UGT8: variants seen among roughly 807,000 people sequenced by gnomAD.
UGT8 encodes the protein 2-hydroxyacylsphingosine 1-beta-galactosyltransferase.
UGT8 carries 12 observed loss-of-function variants against 40.5 expected under a neutral mutation model. The observed-to-expected ratio is 0.30, with a 90% confidence interval of 0.19 to 0.48. UGT8 has a LOEUF of 0.48. Among genes scored for constraint, UGT8 ranks in the 20% least tolerant of loss-of-function variants. The pLI is 0.99. For missense variants in UGT8, 513 were observed against 648.7 expected (o/e 0.79, Z 2.27); for synonymous variants, 224 against 240.4 (o/e 0.93, Z 0.63).
intron 1 of UGT8, 57 bp from the exon 2 acceptor site, chr4:114,622,822 G>C (rs1367987313): frequency 6.2e-6 from 9 of 1,449,358 alleles, no homozygotes; most frequent in Non-Finnish European, 7.4e-6. Flanking sequence ...GTGATTGCTT[G>C]TTTTGAATGG....
chr4:114,621,945 G>A (rs1294922572), intron 1 of UGT8, among the ~76,000 whole-genome samples: 1 of 151,056 alleles, frequency 6.6e-6, no homozygotes, highest in Admixed American at 6.6e-5. Context: ...TAATACTATA[G>A]AATGCATTCT....
intron 1 of UGT8, among the ~76,000 whole-genome samples, chr4:114,620,228 C>G (rs1731701663): frequency 6.6e-6 from 1 of 152,138 alleles, no homozygotes; most frequent in African/African-American, 2.4e-5. Flanking sequence ...ATGGTCTGCT[C>G]AGCTAGATCC....
At position 114,664,025 on chromosome 4, in the gene UGT8, G is replaced by A. The variant is rs868236165; in HGVS notation, c.853G>A (p.Glu285Lys). 6.2e-7 allele frequency: 1 copy of A among 1,613,876 alleles called. No individual in the cohort carries two copies. The highest frequency in any genetic ancestry group is 1.7e-5 in the Admixed American group (1 of 60,000). ...CCAAAGATGGGTAAATGGTGCTAAT[G>A]AACATGGCTTTGTCTTGGTGTCTTT... is the stretch of plus-strand genomic sequence containing the variant. Reference protein sequence around the residue: ...DLQRWVNGANEHGFVLVSFGA... With the variant: ...DLQRWVNGANKHGFVLVSFGA... Residue 285 changes from glutamate (E) to lysine (K), a missense_variant, in exon 3 of 6, where the codon GAA becomes AAA. Physicochemically the swap from Glu to Lys is moderately conservative, Grantham distance 56. Around this residue, in one of 3 missense-constraint regions of UGT8, gnomAD observed 335 missense variants for 444.8 expected, o/e 0.75. Coordinates refer to ENST00000310836, the MANE Select transcript of UGT8 (RefSeq NM_001128174.3).
rs767054172 is a variant in UGT8 at position 114,676,173 on chromosome 4, A to G, written c.1511A>G (p.Lys504Arg). 6 of 1,614,074 alleles carry G rather than the reference A, an allele frequency of 3.7e-6. No individual in the cohort carries two copies. The highest frequency in any genetic ancestry group is 5.1e-6 in the Non-Finnish European group (6 of 1,180,036). ...ACAAAATTTATCTACAGAAAAATCA[A>G]AAGTCTGTGGTCTAGAAATAAGCAT... ...WVTKFIYRKI[K>R]SLWSRNKHST... The change falls in exon 6 of 6, where the codon AAA becomes AGA. Residue 504 changes from lysine to arginine, a missense_variant. Physicochemically the swap from Lys to Arg is conservative, Grantham distance 26. This residue lies in a region of UGT8 where 175 missense variants were observed against 186.7 expected (regional missense o/e 0.94). Transcript: ENST00000310836.
chr4:114,609,855 G>A (rs1413345550), intron 1 of UGT8, among the ~76,000 whole-genome samples: 4 of 152,146 alleles, frequency 2.6e-5, no homozygotes, highest in Middle Eastern at 3.2e-3. Flanking sequence ...AACCAGACAT[G>A]TTGATTTCCT....
chr4:114,637,524 T>TAATGGAAAACCAAAGAAA (rs1351102991), intron 2 of UGT8, among the ~76,000 whole-genome samples: 7 of 152,216 alleles, frequency 4.6e-5, no homozygotes, highest in African/African-American at 1.7e-4. Context: ...ATCTAGAGTT[T>TAATGGAAAACCAAAGAAA]TGGTGTCATT....
chr4:114,676,665 T>TGTG lies in UGT8; in HGVS notation c.*377_*378insGTG, dbSNP rs1735674262. The TGTG allele has an allele frequency of 1.3e-5, 2 of 150,410 alleles. No individual in the cohort carries two copies. The highest frequency in any genetic ancestry group is 2.8e-5 in the Non-Finnish European group (2 of 72,228). The allele number at this position is 150,410 out of a possible 1,614,324, so 9.3% of individuals were successfully genotyped here. A position where few individuals can be genotyped will look rare whatever the true frequency, so the allele number is the denominator to read the frequency against. Reference sequence around the variant, plus strand: ...TATGTGTGTGTGTGTGTGTGTGTGTTTGTGTGTGTGTGTGTGTGTCCTAAT... The same window carrying TGTG: ...TATGTGTGTGTGTGTGTGTGTGTGTTGTGTGTGTGTGTGTGTGTGTGTCCTAAT... On this transcript the variant is annotated 3_prime_UTR_variant, in exon 6 of 6. Coordinates refer to ENST00000310836, the MANE Select transcript of UGT8 (RefSeq NM_001128174.3).
At chr4:114,644,616 C>T (rs1733439202) in intron 2 of UGT8, among the ~76,000 whole-genome samples, 1 of 152,106 alleles carries the variant, frequency 6.6e-6, no homozygotes, top group Non-Finnish European at 1.5e-5. Flanking sequence ...TATTATAGTC[C>T]TTTCATAATC....
At chr4:114,620,448 T>G (rs1449368248) in intron 1 of UGT8, among the ~76,000 whole-genome samples, 1 of 152,232 alleles carries the variant, frequency 6.6e-6, no homozygotes, top group Non-Finnish European at 1.5e-5. Flanking sequence ...GAGAGACACA[T>G]AGGTGAGGCA....
intron 1 of UGT8, among the ~76,000 whole-genome samples, chr4:114,621,374 A>G (rs1312613608): frequency 1.3e-5 from 2 of 152,236 alleles, no homozygotes; most frequent in South Asian, 2.1e-4. Context: ...AAATTGACAT[A>G]GATTACATAA....
At chr4:114,619,237 A>G (rs1043595069) in intron 1 of UGT8, among the ~76,000 whole-genome samples, 1 of 152,118 alleles carries the variant, frequency 6.6e-6, no homozygotes, top group African/African-American at 2.4e-5. Flanking sequence ...TGTGAAAACA[A>G]AAGTGTTTCT....
In UGT8 at chr4:114,618,772, G is replaced by A. The variant is rs146245105; in HGVS notation, c.-2-4107G>A. On this transcript the variant is annotated intron_variant, in intron 1 of 5. Coordinates refer to ENST00000310836, the MANE Select transcript of UGT8 (RefSeq NM_001128174.3). ...GATTTATCTAAAAACTTTTAACACT[G>A]TGCTATTCAATTTACTTTAAGGAAG... Among the ~76,000 whole-genome samples the A allele has an allele frequency of 5.6e-3, 846 of 152,124 alleles. 6 individuals are homozygous for A. Among genetic ancestry groups the A allele is most frequent in the Middle Eastern group, 0.014 (4 of 292 alleles).
chr4:114,630,701 G>A (rs1732516496), intron 2 of UGT8, among the ~76,000 whole-genome samples: 1 of 151,898 alleles, frequency 6.6e-6, no homozygotes, highest in South Asian at 2.1e-4. Flanking sequence ...TGACAATTGT[G>A]TGAGATACGT....
chr4:114,630,778 T>C (rs1414493394), intron 2 of UGT8, among the ~76,000 whole-genome samples: 1 of 152,104 alleles, frequency 6.6e-6, no homozygotes. Context: ...TTCTCTAGGG[T>C]AGAAAGAAGA....
chr4:114,659,726 C>G (rs771692404), intron 2 of UGT8, among the ~76,000 whole-genome samples: 2 of 152,120 alleles, frequency 1.3e-5, no homozygotes, highest in Non-Finnish European at 2.9e-5. Context: ...AGTAGTAGTA[C>G]TGGTAGTAAA....
chr4:114,606,707 G>A (rs555015095), intron 1 of UGT8, among the ~76,000 whole-genome samples: 11 of 152,316 alleles, frequency 7.2e-5, no homozygotes, highest in Non-Finnish European at 1.6e-4. Flanking sequence ...AGAGAAACTG[G>A]AAGGGGAAGT....
chr4:114,655,629 C>T (rs1015640581), intron 2 of UGT8, among the ~76,000 whole-genome samples: 3 of 151,960 alleles, frequency 2.0e-5, no homozygotes, highest in Non-Finnish European at 4.4e-5. Flanking sequence ...TTTACCAGAA[C>T]CATCTGACAA....
At chr4:114,651,422 A>G (rs1243358430) in intron 2 of UGT8, among the ~76,000 whole-genome samples, 1 of 152,160 alleles carries the variant, frequency 6.6e-6, no homozygotes, top group African/African-American at 2.4e-5. Context: ...TTATAAATGT[A>G]GAAGTCTCAC....
At chr4:114,599,501 G>T (rs1196203017) in intron 1 of UGT8, among the ~76,000 whole-genome samples, 2 of 152,184 alleles carry the variant, frequency 1.3e-5, no homozygotes, top group Non-Finnish European at 2.9e-5. Context: ...ATGTGTTGGG[G>T]GTGGGGAATG....
Sources: allele counts gnomAD v4.1 joint callset (sites outside exome capture counted in the v4.1 genomes callset), GRCh38; gene constraint gnomAD v4.1.1; regional missense constraint gnomAD v4.1.1; transcripts MANE v1.5; gene names NCBI Gene and HGNC (gene_info 2026-07-23, HGNC 2026-07-21).